Variants in METTL15 observed in about 807,000 individuals in gnomAD.
METTL15 encodes 12S rRNA N(4)-cytidine methyltransferase METTL15.
A neutral mutation model predicts 38.3 loss-of-function variants in METTL15; 34 were observed. The ratio of observed to expected loss-of-function variants is 0.89; its 90% CI spans 0.68 to 1.18. The LOEUF is 1.18. Among genes scored for constraint, METTL15 ranks in the 50% most tolerant of loss-of-function variants. The pLI is 0.00. For missense variants in METTL15, 438 were observed against 498.4 expected (o/e 0.88, Z 1.15); for synonymous variants, 162 against 170.9 (o/e 0.95, Z 0.41).
At chr11:28,207,077 T>G (rs1852378130) in intron 3 of METTL15, among the ~76,000 whole-genome samples, 1 of 145,326 alleles carries the variant, frequency 6.9e-6, no homozygotes, top group South Asian at 2.4e-4. Flanking sequence ...GACTTCTTCT[T>G]TTCCTAATTG....
intron 3 of METTL15, among the ~76,000 whole-genome samples, chr11:28,153,262 G>A (rs555515355): frequency 1.3e-5 from 2 of 152,066 alleles, no homozygotes; most frequent in East Asian, 1.9e-4. Context: ...ACTCTGGTTC[G>A]AATACCTCTG....
intron 6 of METTL15, among the ~76,000 whole-genome samples, chr11:28,464,163 T>A (rs1247612714): frequency 1.3e-5 from 2 of 152,174 alleles, no homozygotes; most frequent in Non-Finnish European, 2.9e-5. Context: ...AAGCCTTAGT[T>A]CATGTAACAC....
rs565038587 is a variant in METTL15 at position 28,147,671 on chromosome 11, G to C, written c.270+34067G>C. ...TTGTTCATTATCCCTAAGTTCTGATGAGATGATCTTTGAAAAATTCTGTGG... is the reference window on the plus strand; with the variant it reads ...TTGTTCATTATCCCTAAGTTCTGATCAGATGATCTTTGAAAAATTCTGTGG... On this transcript the variant is annotated intron_variant, in intron 3 of 6. Coordinates refer to ENST00000407364, the MANE Select transcript of METTL15 (RefSeq NM_001113528.2). 5.3e-5 allele frequency among the ~76,000 whole-genome samples: 8 copies of C among 151,798 alleles called. No homozygotes were observed. In the East Asian group the frequency reaches 1.6e-3, roughly 29 times the overall value.
intron 4 of METTL15, among the ~76,000 whole-genome samples, chr11:28,278,849 T>TA (rs2081421764): frequency 6.6e-6 from 1 of 152,116 alleles, no homozygotes; most frequent in Non-Finnish European, 1.5e-5. Context: ...TTGTTTGAGA[T>TA]AGAGTCTTGC....
At chr11:28,368,128 C>CAAAAAAAA (rs796151908) in intron 5 of METTL15, among the ~76,000 whole-genome samples, 1 of 32,576 alleles carries the variant, frequency 3.1e-5, no homozygotes, top group Non-Finnish European at 5.8e-5. Context: ...TTCTGCATAG[C>CAAAAAAAA]AAAAAAAAAA....
chr11:28,219,475 A>G (rs888091633), intron 4 of METTL15, among the ~76,000 whole-genome samples: 3 of 151,976 alleles, frequency 2.0e-5, no homozygotes, highest in African/African-American at 7.2e-5. Context: ...TCTTGCTAGC[A>G]GTCTATCAAT....
At chr11:28,469,538 A>C (rs1006981352) in intron 6 of METTL15, among the ~76,000 whole-genome samples, 4 of 152,182 alleles carry the variant, frequency 2.6e-5, no homozygotes, top group Non-Finnish European at 5.9e-5. Flanking sequence ...TGACTCCACC[A>C]CTACTGGAAT....
chr11:28,171,000 C>T (rs1850837752), intron 3 of METTL15, among the ~76,000 whole-genome samples: 1 of 152,114 alleles, frequency 6.6e-6, no homozygotes, highest in African/African-American at 2.4e-5. Context: ...TGCAGAATTC[C>T]AACCATTACT....
intron 3 of METTL15, among the ~76,000 whole-genome samples, chr11:28,137,264 T>A (rs1849546042): frequency 6.6e-6 from 1 of 152,226 alleles, no homozygotes; most frequent in Non-Finnish European, 1.5e-5. Context: ...GATTAATTTT[T>A]ATAAACCTTC....
intron 6 of METTL15, among the ~76,000 whole-genome samples, chr11:28,507,283 A>G (rs901682728): frequency 6.6e-6 from 1 of 152,200 alleles, no homozygotes; most frequent in African/African-American, 2.4e-5. Context: ...TGAAGCAGGC[A>G]TGTTTTACAT....
At chr11:28,360,326 A>G (rs10430849) in intron 4 of METTL15, among the ~76,000 whole-genome samples, 151,813 of 152,310 alleles carry the variant, frequency 1, 75,664 homozygotes, top group Middle Eastern at 1. Context: ...GGCCATGGCC[A>G]ATTGGAACAG....
At chr11:28,121,636 T>G (rs1852237435) in intron 3 of METTL15, among the ~76,000 whole-genome samples, 1 of 152,142 alleles carries the variant, frequency 6.6e-6, no homozygotes, top group Admixed American at 6.5e-5. Context: ...CAATTTATTT[T>G]TCATATTTAT....
chr11:28,139,385 C>T (rs533137407), intron 3 of METTL15, among the ~76,000 whole-genome samples: 48 of 152,254 alleles, frequency 3.2e-4, no homozygotes, highest in Admixed American at 6.5e-5. Context: ...AGGGAATAAC[C>T]GGGTTATGTG....
chr11:28,356,942 G>T (rs961656874), intron 4 of METTL15, among the ~76,000 whole-genome samples: 1 of 152,132 alleles, frequency 6.6e-6, no homozygotes, highest in African/African-American at 2.4e-5. Context: ...GCCCAGGTGT[G>T]CTGGCCTCAG....
chr11:28,287,156 ATGTGTGTGTG>A (rs150235421), intron 4 of METTL15: 236 of 140,632 alleles, frequency 1.7e-3, no homozygotes, highest in South Asian at 4.8e-3. Flanking sequence ...GAGAGAGACA[ATGTGTGTGTG>A]TGTGTGTGTG....
chr11:28,377,834 G>A (rs1453853658), intron 5 of METTL15, among the ~76,000 whole-genome samples: 2 of 151,262 alleles, frequency 1.3e-5, no homozygotes, highest in Non-Finnish European at 3.0e-5. Context: ...ATGGGTTTTT[G>A]GTGTGGATGT....
chr11:28,136,735 C>T (rs1348338002), intron 3 of METTL15, among the ~76,000 whole-genome samples: 1 of 152,022 alleles, frequency 6.6e-6, no homozygotes, highest in East Asian at 1.9e-4. Flanking sequence ...CTTGGATGCT[C>T]TAGGGGTCCT....
In METTL15 at chr11:28,160,696, A is replaced by G. The variant is rs186848662; in HGVS notation, c.270+47092A>G. Among the ~76,000 whole-genome samples, 16 of 152,274 alleles carry G rather than the reference A, an allele frequency of 1.1e-4. No individual in the cohort carries two copies. The East Asian group carries it at 1.5e-3, about 15-fold the overall frequency. On this transcript the variant is annotated intron_variant, in intron 3 of 6. Transcript: ENST00000407364. ...ATCAATATGTGAGTGAGATTTTGCA[A>G]TAATAACATATTATAGTTATTTGAA...
At chr11:28,164,749 G>T (rs1406188421) in intron 3 of METTL15, among the ~76,000 whole-genome samples, 4 of 152,002 alleles carry the variant, frequency 2.6e-5, no homozygotes, top group Non-Finnish European at 5.9e-5. Flanking sequence ...ACAACGTGCA[G>T]GTTTGTTACA....
Sources: allele counts gnomAD v4.1 joint callset (sites outside exome capture counted in the v4.1 genomes callset), GRCh38; gene constraint gnomAD v4.1.1; transcripts MANE v1.5; gene names NCBI Gene and HGNC (gene_info 2026-07-23, HGNC 2026-07-21).